The following TEX264 variants were observed in gnomAD, a reference collection of about 807,000 sequenced individuals.
The protein encoded by TEX264 is testis-expressed protein 264.
Under a neutral mutation model 23.4 loss-of-function variants are expected in TEX264, and 13 were observed. The ratio of observed to expected loss-of-function variants is 0.56; its 90% CI spans 0.36 to 0.88. TEX264 has a LOEUF of 0.88. Among genes scored for constraint, TEX264 ranks in the 40% least tolerant of loss-of-function variants. The pLI is 0.01. For missense variants in TEX264, 340 were observed against 406.8 expected, an observed-to-expected ratio of 0.84 and a Z score of 1.41; for synonymous variants, 159 against 170.0, an observed-to-expected ratio of 0.94 and a Z score of 0.50.
chr3:51,684,576 T>C lies in TEX264; in HGVS notation c.422T>C (p.Ile141Thr). The C allele has an allele frequency of 6.2e-7, 1 of 1,614,218 alleles. No homozygotes were observed. The highest frequency in any genetic ancestry group is 1.7e-5 in the Admixed American group (1 of 60,034). ...VVTATFPYTT[I>T]LSIWLATRRV... is the part of the protein sequence containing the mutation. ...ACAGCCACCTTCCCCTACACCACCA[T>C]TCTGTCCATCTGGCTGGCTACCCGC... The change falls in exon 3 of 5, where the codon ATT becomes ACT. Residue 141 changes from isoleucine (I) to threonine (T), a missense_variant. By Grantham distance (89) the Ile-to-Thr change is moderately conservative. Transcript: ENST00000341333.
intron 4 of TEX264, among the ~76,000 whole-genome samples, chr3:51,700,550 T>TG (rs1414852850): frequency 6.6e-6 from 1 of 152,018 alleles, no homozygotes; most frequent in Non-Finnish European, 1.5e-5. Context: ...CGGCAGACAC[T>TG]CTTCAGTGCC....
chr3:51,677,456 A>C (rs1702269862), intron 2 of TEX264, among the ~76,000 whole-genome samples: 1 of 152,028 alleles, frequency 6.6e-6, no homozygotes, highest in Admixed American at 6.5e-5. Flanking sequence ...TCCCACCCCC[A>C]CTGTGTCCTT....
At chr3:51,702,921 A>G (rs1703366893) in intron 4 of TEX264, among the ~76,000 whole-genome samples, 1 of 152,092 alleles carries the variant, frequency 6.6e-6, no homozygotes, top group African/African-American at 2.4e-5. Context: ...GGTTTGGGGC[A>G]CCCCAACCAC....
Position 51,684,543 on chromosome 3 carries a change from A to G in TEX264, c.389A>G (p.His130Arg), listed in dbSNP as rs1187547568. 6.2e-7 allele frequency: 1 copy of G among 1,614,028 alleles called. No homozygotes were observed. Among genetic ancestry groups the G allele is most frequent in the Non-Finnish European group, 8.5e-7 (1 of 1,180,018 alleles). Residue 130 changes from histidine (H) to arginine (R), a missense_variant, in exon 3 of 5, where the codon CAT becomes CGT. By Grantham distance (29) the His-to-Arg change is conservative. Coordinates refer to ENST00000341333, the MANE Select transcript of TEX264 (RefSeq NM_015926.6). ...GTGTTCTCCTTCCCGGCACCCAGCC[A>G]TGTGGTGACAGCCACCTTCCCCTAC... Reference protein sequence around the residue: ...FKVFSFPAPSHVVTATFPYTT... With the variant: ...FKVFSFPAPSRVVTATFPYTT...
intron 1 of TEX264, among the ~76,000 whole-genome samples, chr3:51,673,216 G>A (rs994599693): frequency 3.3e-5 from 5 of 152,092 alleles, no homozygotes; most frequent in African/African-American, 4.8e-5. Flanking sequence ...AAATAATTGG[G>A]GTGGGAATGT....
intron 1 of TEX264, among the ~76,000 whole-genome samples, chr3:51,673,283 AT>A (rs546434468): frequency 1.6e-4 from 24 of 151,868 alleles, no homozygotes. Context: ...CTGGGCTGTG[AT>A]TTTTCCCCCC....
chr3:51,695,125 C>T (rs936035081), intron 3 of TEX264, among the ~76,000 whole-genome samples: 4 of 152,202 alleles, frequency 2.6e-5, no homozygotes, highest in Non-Finnish European at 4.4e-5. Flanking sequence ...AGTGAGGAGA[C>T]GCCACTACCT....
At chr3:51,688,577 G>A (rs1702708437) in intron 3 of TEX264, among the ~76,000 whole-genome samples, 1 of 152,150 alleles carries the variant, frequency 6.6e-6, no homozygotes, top group African/African-American at 2.4e-5. Context: ...AGTTTTTAGG[G>A]GGAGGGTCTT....
At chr3:51,672,304 G>C (rs1577485500) in intron 1 of TEX264, 1 of 152,248 alleles carries the variant, frequency 6.6e-6, no homozygotes, top group Non-Finnish European at 1.5e-5. Flanking sequence ...CATTTCAGGT[G>C]AGCTCCCAGA....
At chr3:51,695,882 T>G (rs898540410) in intron 3 of TEX264, among the ~76,000 whole-genome samples, 3 of 152,078 alleles carry the variant, frequency 2.0e-5, no homozygotes, top group Admixed American at 2.0e-4. Flanking sequence ...TGGGGTCTCT[T>G]AGAAATTCCT....
chr3:51,687,231 G>T (rs1005370897), intron 3 of TEX264, among the ~76,000 whole-genome samples: 3 of 152,246 alleles, frequency 2.0e-5, no homozygotes, highest in African/African-American at 7.2e-5. Context: ...ATGGCCGAAG[G>T]TCCTGGGCTT....
intron 2 of TEX264, chr3:51,683,541 C>G (rs1333356673): frequency 6.6e-6 from 1 of 152,096 alleles, no homozygotes; most frequent in Non-Finnish European, 1.5e-5. Context: ...TGGAGGGGAA[C>G]CAGTGGTCTT....
chr3:51,695,612 G>T (rs995572279), intron 3 of TEX264, among the ~76,000 whole-genome samples: 1 of 152,228 alleles, frequency 6.6e-6, no homozygotes, highest in Non-Finnish European at 1.5e-5. Flanking sequence ...GTGGGGGAAA[G>T]CTTGGCCTGG....
intron 2 of TEX264, chr3:51,683,378 T>TC (rs1702500638): frequency 6.6e-6 from 1 of 152,086 alleles, no homozygotes; most frequent in Non-Finnish European, 1.5e-5. Context: ...GAGAAATGAG[T>TC]ACTGGGCCTT....
chr3:51,680,028 A>G (rs1038638470), intron 2 of TEX264, among the ~76,000 whole-genome samples: 3 of 152,176 alleles, frequency 2.0e-5, no homozygotes, highest in African/African-American at 4.8e-5. Flanking sequence ...CAGCTCGTCT[A>G]TTCCCTTGGG....
Position 51,703,981 on chromosome 3 carries a change from T to C in TEX264, c.907T>C (p.Trp303Arg). 6.4e-7 allele frequency: 1 copy of C among 1,553,570 alleles called. No homozygotes were observed. The highest frequency in any genetic ancestry group is 1.4e-5 in the African/African-American group (1 of 73,288). The part of the protein sequence containing the change: ...TEPLGTTKWL[W>R]EPTAPEKGKE ...GCCCCTGGGGACTACCAAGTGGCTC[T>C]GGGAGCCCACTGCCCCTGAGAAGGG... Residue 303 changes from tryptophan (W) to arginine (R), a missense_variant, in exon 5 of 5, where the codon TGG becomes CGG. Physicochemically the swap from Trp to Arg is moderately radical, Grantham distance 101. Transcript: ENST00000341333. The surrounding 1 kb of genome is among the most constrained non-coding windows in gnomAD (Gnocchi z 4.8).
chr3:51,687,546 C>T (rs557052978), intron 3 of TEX264, among the ~76,000 whole-genome samples: 4 of 152,316 alleles, frequency 2.6e-5, no homozygotes, highest in African/African-American at 9.6e-5. Flanking sequence ...TGTGCGTGCG[C>T]GTGTGTACAC....
In TEX264 at chr3:51,704,186, T is replaced by C; in HGVS notation, c.*170T>C. ...GCCTTCTCCTCACTGCCCTTTAGGC[T>C]CCCAGGGCCAGAGGAGCCAGGGACT... is the stretch of plus-strand genomic sequence containing the variant. On this transcript the variant is annotated 3_prime_UTR_variant, in exon 5 of 5. Transcript: ENST00000341333. 1 of 544,678 alleles carries C rather than the reference T, an allele frequency of 1.8e-6. No homozygotes were observed. The highest frequency in any genetic ancestry group is 9.2e-5 in the South Asian group (1 of 10,868). The allele number at this position is 544,678 out of a possible 1,614,324, so 33.7% of individuals were successfully genotyped here. A position where few individuals can be genotyped will look rare whatever the true frequency, so the allele number is the denominator to read the frequency against.
chr3:51,702,991 T>TG (rs1357057167), intron 4 of TEX264, among the ~76,000 whole-genome samples: 1 of 151,926 alleles, frequency 6.6e-6, no homozygotes, highest in African/African-American at 2.4e-5. Context: ...CACCAGTCAT[T>TG]GGGGGTGGGG....
Sources: allele counts gnomAD v4.1 joint callset (sites outside exome capture counted in the v4.1 genomes callset), GRCh38; gene constraint gnomAD v4.1.1; non-coding constraint Gnocchi (gnomAD v3.1); transcripts MANE v1.5; gene names NCBI Gene and HGNC (gene_info 2026-07-23, HGNC 2026-07-21).